CNTN6: variants seen among roughly 807,000 people sequenced by gnomAD.
CNTN6 encodes the protein contactin-6.
In CNTN6, 137 loss-of-function variants were observed where a neutral mutation model predicts 122.8. The observed-to-expected ratio is 1.12, with a 90% confidence interval of 0.97 to 1.29. CNTN6 has a LOEUF of 1.29. Ranked by LOEUF, CNTN6 falls within the 50% of genes most tolerant of loss-of-function variation. The probability of loss-of-function intolerance (pLI) is 0.00; values close to 1 mark genes in which losing one functional copy is unlikely to be tolerated. For missense variants in CNTN6, 1,634 were observed against 1,223.4 expected (o/e 1.34, Z -5.01); for synonymous variants, 570 against 426.0 (o/e 1.34, Z -4.16).
chr3:1,122,081 TA>T (rs772026777), intron 1 of CNTN6, among the ~76,000 whole-genome samples: 3 of 151,972 alleles, frequency 2.0e-5, no homozygotes, highest in African/African-American at 4.8e-5. Flanking sequence ...TTAAATGAAT[TA>T]TTTTTTTGCA....
intron 12 of CNTN6, among the ~76,000 whole-genome samples, chr3:1,360,685 T>C (rs758563227): frequency 2.0e-5 from 3 of 152,024 alleles, no homozygotes; most frequent in Non-Finnish European, 2.9e-5. Flanking sequence ...TGTTTCTAAA[T>C]ATTATCTATA....
chr3:1,117,969 T>G lies in CNTN6; in HGVS notation c.-83+24849T>G, dbSNP rs2091793634. 2.0e-5 allele frequency among the ~76,000 whole-genome samples: 3 copies of G among 152,164 alleles called. No homozygotes were observed. In the South Asian group the frequency reaches 6.2e-4, roughly 32 times the overall value. Reference sequence around the variant, plus strand: ...ATTTTCTCCCTTCCCTGTCTCACTTTCTCCACACTCTGATTTGTGCTTCTG... The same window carrying G: ...ATTTTCTCCCTTCCCTGTCTCACTTGCTCCACACTCTGATTTGTGCTTCTG... On this transcript the variant is annotated intron_variant, in intron 1 of 22. Transcript: ENST00000446702.
At chr3:1,401,645 C>A (rs1241882248) in intron 21 of CNTN6, 100 bp downstream of exon 21, 2 of 717,614 alleles carry the variant, frequency 2.8e-6, no homozygotes, top group South Asian at 1.9e-5. Context: ...TATGGAAACA[C>A]TGGAATCTTT....
chr3:1,147,664 C>T (rs1948666), intron 1 of CNTN6, among the ~76,000 whole-genome samples: 92,357 of 151,814 alleles, frequency 0.61, 29,162 homozygotes, highest in African/African-American at 0.79. Context: ...AGAAATTTTG[C>T]AGCACAATAT....
chr3:1,329,802 T>C lies in CNTN6; in HGVS notation c.1231T>C (p.Ser411Pro). 1 of 1,605,392 alleles carries C rather than the reference T, an allele frequency of 6.2e-7. No homozygotes were observed. Residue 411 changes from serine (S) to proline (P), a missense_variant, in exon 11 of 23, where the codon TCC becomes CCC. Ser to Pro is a moderately conservative substitution (Grantham distance 74, BLOSUM62 -1). Coordinates refer to ENST00000446702, the MANE Select transcript of CNTN6 (RefSeq NM_001289080.2). The stretch of plus-strand genomic sequence containing the variant: ...GTTTTTAGCCTCAGCTCCAGATTTC[T>C]CCAAAAGTCCAGTTAAAAAAAAGTC... The part of the protein sequence containing the change: ...LRVLASAPDF[S>P]KSPVKKKSFV...
intron 4 of CNTN6, among the ~76,000 whole-genome samples, chr3:1,275,633 C>G (rs988914521): frequency 1.3e-5 from 2 of 152,154 alleles, no homozygotes; most frequent in African/African-American, 4.8e-5. Flanking sequence ...ATTCTTAGCC[C>G]TAAGCTTGTT....
intron 7 of CNTN6, 138 bp downstream of exon 7, chr3:1,298,129 A>G (rs1210200204): frequency 1.6e-6 from 1 of 623,412 alleles, no homozygotes; most frequent in Non-Finnish European, 2.8e-6. Context: ...GAACTTTCTG[A>G]TTTGAATTTA....
At chr3:1,329,664 G>A (rs1702016756) in intron 10 of CNTN6, 121 bp from the exon 11 acceptor site, 2 of 766,504 alleles carry the variant, frequency 2.6e-6, no homozygotes, top group Middle Eastern at 2.9e-4. Flanking sequence ...CTTGAGCAAA[G>A]TAACCTGAAA....
chr3:1,168,045 C>T (rs986032595), intron 2 of CNTN6, among the ~76,000 whole-genome samples: 4 of 151,982 alleles, frequency 2.6e-5, no homozygotes, highest in African/African-American at 9.7e-5. Context: ...GTAGTTGGTA[C>T]TAGAGGTGCA....
intron 19 of CNTN6, among the ~76,000 whole-genome samples, chr3:1,384,849 C>G (rs1692619499): frequency 6.8e-6 from 1 of 146,442 alleles, no homozygotes; most frequent in African/African-American, 2.5e-5. Flanking sequence ...TCCTCTGATT[C>G]CAACAGAAAG....
chr3:1,347,635 G>A (rs1170139207), intron 11 of CNTN6, among the ~76,000 whole-genome samples: 4 of 152,092 alleles, frequency 2.6e-5, no homozygotes, highest in Non-Finnish European at 4.4e-5. Flanking sequence ...AACAGAGTGA[G>A]AATCAGAAAT....
At chr3:1,207,104 T>A (rs1217720412) in intron 2 of CNTN6, among the ~76,000 whole-genome samples, 2 of 152,116 alleles carry the variant, frequency 1.3e-5, no homozygotes, top group African/African-American at 4.8e-5. Flanking sequence ...ACCTTAGATA[T>A]TTCAGTAGAA....
intron 2 of CNTN6, among the ~76,000 whole-genome samples, chr3:1,177,694 C>T (rs1179077070): frequency 1.3e-5 from 2 of 152,006 alleles, no homozygotes; most frequent in Admixed American, 1.3e-4. Flanking sequence ...TCTTTCAGCA[C>T]TTTAAAGACA....
At chr3:1,295,949 A>C (rs1468229820) in intron 6 of CNTN6, 145 bp downstream of exon 6, 1 of 675,034 alleles carries the variant, frequency 1.5e-6, no homozygotes, top group Non-Finnish European at 2.5e-6. Flanking sequence ...AACCAGAAAT[A>C]TAACAGAAAA....
At chr3:1,114,947 G>C (rs1037778810) in intron 1 of CNTN6, among the ~76,000 whole-genome samples, 6 of 152,120 alleles carry the variant, frequency 3.9e-5, no homozygotes, top group Non-Finnish European at 8.8e-5. Context: ...TGGTAGAAAT[G>C]CTTAAACCTA....
intron 20 of CNTN6, chr3:1,394,257 A>C (rs1194911781): frequency 1.3e-5 from 3 of 232,038 alleles, no homozygotes; most frequent in Non-Finnish European, 2.6e-5. Context: ...CAGGAACAAG[A>C]CAGCCAGGAA....
intron 2 of CNTN6, among the ~76,000 whole-genome samples, chr3:1,166,725 C>G (rs1440320514): frequency 6.6e-6 from 1 of 152,060 alleles, no homozygotes; most frequent in Non-Finnish European, 1.5e-5. Context: ...GAGTTCATGT[C>G]CTTTGCAGGG....
Position 1,227,819 on chromosome 3 carries a change from TG to T in CNTN6, c.186del (p.Trp62Ter). ...ACTTTATTTTTTTTTTCCTTGAAGG[TG>T]GAAGCAAAATGGCACAGACATTGAT... ...ANGYPSPHYRWKQNGTDIDFT... is the reference protein window; with the variant it reads ...ANGYPSPHYRXKQNGTDIDFT... On this transcript the variant is annotated frameshift_variant and splice_region_variant, in exon 4 of 23. Transcript: ENST00000446702. LOFTEE classifies it high-confidence loss of function. The T allele has an allele frequency of 1.2e-6, 2 of 1,612,350 alleles. No homozygotes were observed. The highest frequency in any genetic ancestry group is 1.7e-6 in the Non-Finnish European group (2 of 1,179,510).
At chr3:1,203,718 G>A (rs1189839304) in intron 2 of CNTN6, among the ~76,000 whole-genome samples, 2 of 152,160 alleles carry the variant, frequency 1.3e-5, no homozygotes, top group African/African-American at 4.8e-5. Context: ...AATAATGCAC[G>A]CTTGGGGTGC....
Sources: allele counts gnomAD v4.1 joint callset (sites outside exome capture counted in the v4.1 genomes callset), GRCh38; gene constraint gnomAD v4.1.1; transcripts MANE v1.5; gene names NCBI Gene and HGNC (gene_info 2026-07-23, HGNC 2026-07-21).